CNTN3: variants seen among roughly 807,000 people sequenced by gnomAD.
CNTN3 encodes contactin-3.
CNTN3 carries 60 observed loss-of-function variants against 119.1 expected under a neutral mutation model. That is an observed-to-expected ratio of 0.50 (90% CI 0.41 to 0.62). CNTN3 has a LOEUF of 0.62. Ranked by LOEUF, CNTN3 falls within the 20% of genes least tolerant of loss-of-function variation. CNTN3 has a pLI of 0.00. For missense variants in CNTN3, 1,101 were observed against 1,242.4 expected, an observed-to-expected ratio of 0.89 and a Z score of 1.71; for synonymous variants, 450 against 438.7, an observed-to-expected ratio of 1.03 and a Z score of -0.32.
At chr3:74,265,180 G>A (rs1575685007) in intron 22 of CNTN3, among the ~76,000 whole-genome samples, 1 of 151,998 alleles carries the variant, frequency 6.6e-6, no homozygotes, top group Non-Finnish European at 1.5e-5. Flanking sequence ...CTTTTTAAAA[G>A]GCAATAAATA....
rs570572951 is a variant in CNTN3, at chr3:74,543,091, C to T, written c.-80-21899G>A. ...TGCAGTGTGCTATGAGTGTACACCA[C>T]TGCACTCCACCCTGGGCAACTGAGC... On this transcript the variant is annotated intron_variant, in intron 1 of 22. Transcript: ENST00000263665. Among the ~76,000 whole-genome samples the T allele has an allele frequency of 1.5e-3, 230 of 152,138 alleles. 4 individuals carry two copies. In the South Asian group the frequency reaches 0.025, roughly 17 times the overall value.
chr3:74,582,921 T>C (rs1704537498), intron 1 of CNTN3, among the ~76,000 whole-genome samples: 1 of 152,136 alleles, frequency 6.6e-6, no homozygotes, highest in African/African-American at 2.4e-5. Context: ...ATATTTACAG[T>C]TGTCTCATTC....
chr3:74,278,005 C>T (rs1446729711), intron 20 of CNTN3, among the ~76,000 whole-genome samples: 2 of 146,076 alleles, frequency 1.4e-5, no homozygotes, highest in East Asian at 2.1e-4. Context: ...AAAACTCAAC[C>T]CCTTTTACAA....
rs143574082 is a variant in CNTN3, at chr3:74,521,022, T to C, written c.55+36A>G. ...TAAGCATATGACTCGAGTATACTTCTAACCTCAACTTAGAAAATATAGGAT... is the reference window on the plus strand; with the variant it reads ...TAAGCATATGACTCGAGTATACTTCCAACCTCAACTTAGAAAATATAGGAT... On this transcript the variant is annotated intron_variant, in intron 2 of 22. Coordinates refer to ENST00000263665, the MANE Select transcript of CNTN3 (RefSeq NM_020872.3). 1,746 of 1,398,294 alleles carry C rather than the reference T, an allele frequency of 1.2e-3. 47 individuals carry two copies. The East Asian group carries it at 0.035, about 28-fold the overall frequency. 86.6% of individuals were successfully genotyped at this position (1,398,294 alleles called of 1,614,324 possible).
At chr3:74,542,773 C>G (rs774109779) in intron 1 of CNTN3, among the ~76,000 whole-genome samples, 1 of 152,058 alleles carries the variant, frequency 6.6e-6, no homozygotes, top group Non-Finnish European at 1.5e-5. Flanking sequence ...CGGCTTTCTA[C>G]TTTTAAAATT....
At position 74,613,353 on chromosome 3, in the gene CNTN3, T is replaced by C. The variant is rs539626981; in HGVS notation, c.-81+1038A>G. On this transcript the variant is annotated intron_variant, in intron 1 of 22. Transcript: ENST00000263665. ...TACCTACTCACCATATGAGCTGGGG[T>C]TTCTGACCTCCCTCCTGCACATCAC... is the stretch of plus-strand genomic sequence containing the variant. Among the ~76,000 whole-genome samples, 17 of 151,806 alleles carry C rather than the reference T, an allele frequency of 1.1e-4. No individual in the cohort carries two copies. The South Asian group carries it at 2.9e-3, about 26-fold the overall frequency.
intron 1 of CNTN3, among the ~76,000 whole-genome samples, chr3:74,536,173 G>A (rs1034439124): frequency 1.3e-5 from 2 of 151,978 alleles, no homozygotes; most frequent in African/African-American, 4.8e-5. Context: ...CCCTGAATGA[G>A]CTCCCCTGTA....
intron 5 of CNTN3, among the ~76,000 whole-genome samples, chr3:74,380,179 T>C (rs1056218386): frequency 6.6e-6 from 1 of 152,232 alleles, no homozygotes; most frequent in Non-Finnish European, 1.5e-5. Context: ...TCAGAGTCCT[T>C]GAAAATGCTA....
At chr3:74,598,521 A>C (rs1021069979) in intron 1 of CNTN3, among the ~76,000 whole-genome samples, 5 of 152,072 alleles carry the variant, frequency 3.3e-5, no homozygotes, top group African/African-American at 9.7e-5. Context: ...GTGCAGTGGC[A>C]TGATCGCAGC....
chr3:74,393,663 C>G (rs1470986664), intron 5 of CNTN3, among the ~76,000 whole-genome samples: 1 of 152,188 alleles, frequency 6.6e-6, no homozygotes, highest in Non-Finnish European at 1.5e-5. Context: ...ACACACAAGA[C>G]AGTCAGTATG....
At chr3:74,323,373 T>A (rs987429427) in intron 13 of CNTN3, among the ~76,000 whole-genome samples, 4 of 152,202 alleles carry the variant, frequency 2.6e-5, no homozygotes, top group Non-Finnish European at 5.9e-5. Context: ...TCCATTTATA[T>A]GAAATGTCCA....
intron 4 of CNTN3, among the ~76,000 whole-genome samples, chr3:74,457,519 A>G (rs1256665603): frequency 6.6e-6 from 1 of 152,024 alleles, no homozygotes; most frequent in South Asian, 2.1e-4. Context: ...CCCCCCAAAA[A>G]ATAAACCCAA....
rs574423929 is a variant in CNTN3 at position 74,488,147 on chromosome 3, T to C, written c.183-1516A>G. ...TTTTGTTTGAGACAGAGTCTCCCTC[T>C]GTCTCCCAGGCTGGAGTGTAGGTGG... On this transcript the variant is annotated intron_variant, in intron 3 of 22. Transcript: ENST00000263665. Among the ~76,000 whole-genome samples the C allele has an allele frequency of 3.3e-5, 5 of 152,108 alleles. No individual in the cohort carries two copies. The East Asian group carries it at 7.8e-4, about 24-fold the overall frequency.
chr3:74,317,771 T>C (rs893585017), intron 13 of CNTN3, among the ~76,000 whole-genome samples: 2 of 152,186 alleles, frequency 1.3e-5, no homozygotes, highest in Non-Finnish European at 2.9e-5. Flanking sequence ...GCCCTTAACA[T>C]TTTTTCCTTC....
chr3:74,320,854 C>T (rs879033713), intron 13 of CNTN3, among the ~76,000 whole-genome samples: 1 of 151,748 alleles, frequency 6.6e-6, no homozygotes, highest in Non-Finnish European at 1.5e-5. Context: ...ATAGTAAGCT[C>T]TTCAGAATCA....
intron 5 of CNTN3, among the ~76,000 whole-genome samples, chr3:74,424,550 A>C (rs916208794): frequency 8.6e-5 from 13 of 151,984 alleles, no homozygotes; most frequent in Admixed American, 2.0e-4. Flanking sequence ...TAAAACTAAA[A>C]ACCAAATGAT....
At chr3:74,523,794 G>GT (rs1703577136) in intron 1 of CNTN3, among the ~76,000 whole-genome samples, 2 of 151,930 alleles carry the variant, frequency 1.3e-5, no homozygotes, top group African/African-American at 2.4e-5. Context: ...TCCTAATATT[G>GT]TAATGGGAAA....
intron 2 of CNTN3, among the ~76,000 whole-genome samples, chr3:74,513,351 A>G (rs1703401102): frequency 6.6e-6 from 1 of 152,152 alleles, no homozygotes; most frequent in South Asian, 2.1e-4. Flanking sequence ...TTCAGCCAAT[A>G]GCAGCTTTCA....
chr3:74,468,544 C>G (rs182507978), intron 4 of CNTN3, among the ~76,000 whole-genome samples: 24 of 152,218 alleles, frequency 1.6e-4, no homozygotes, highest in Admixed American at 1.4e-3. Context: ...CATTCTAATA[C>G]CAGCACCACT....
Sources: allele counts gnomAD v4.1 joint callset (sites outside exome capture counted in the v4.1 genomes callset), GRCh38; gene constraint gnomAD v4.1.1; transcripts MANE v1.5; gene names NCBI Gene and HGNC (gene_info 2026-07-23, HGNC 2026-07-21).